The following MYO1F variants were observed in gnomAD, a reference collection of about 807,000 sequenced individuals.
The protein encoded by MYO1F is myosin IF, also known as unconventional myosin-If.
A neutral mutation model predicts 146.6 loss-of-function variants in MYO1F; 60 were observed. The observed-to-expected ratio is 0.41, with a 90% CI of 0.33 to 0.51. The LOEUF (loss-of-function observed/expected upper bound fraction) is 0.51, where lower values mean the gene tolerates loss of function less well. Ranked by LOEUF, MYO1F falls within the 20% of genes least tolerant of loss-of-function variation. MYO1F has a pLI of 0.25. For synonymous variants in MYO1F, 602 were observed against 602.1 expected (o/e 1.00, Z 0.00); for missense variants, 1,274 against 1,534.3 (o/e 0.83, Z 2.83).
chr19:8,534,533 C>A (rs1375932362), intron 19 of MYO1F, among the ~76,000 whole-genome samples: 1 of 152,052 alleles, frequency 6.6e-6, no homozygotes, highest in Admixed American at 6.6e-5. Flanking sequence ...TCTCGAACTC[C>A]TAACCTCAAG....
Position 8,530,713 on chromosome 19 carries a change from G to A in MYO1F, c.2044-140C>T. On this transcript the variant is annotated intron_variant, in intron 19 of 27. Transcript: ENST00000644032. The surrounding 1 kb of genome is among the most constrained non-coding windows in gnomAD (Gnocchi z 5.8). The stretch of plus-strand genomic sequence containing the variant: ...CATGTGCTAATTTTTTTAAGAGGCG[G>A]GGTCTTTCTAGTGACACTCGTTCAT... 2 of 703,854 alleles carry A rather than the reference G, an allele frequency of 2.8e-6. No individual in the cohort carries two copies. The highest frequency in any genetic ancestry group is 3.1e-5 in the South Asian group (2 of 63,872). The allele number at this position is 703,854 out of a possible 1,614,324, so 43.6% of individuals were successfully genotyped here.
At chr19:8,531,698 A>G (rs1241433124) in intron 19 of MYO1F, among the ~76,000 whole-genome samples, 6 of 152,242 alleles carry the variant, frequency 3.9e-5, no homozygotes, top group Admixed American at 2.6e-4. Context: ...TGCTTTTGCA[A>G]GAAACGGTAT....
chr19:8,528,951 C>G (rs1972375777), intron 21 of MYO1F, among the ~76,000 whole-genome samples: 1 of 152,028 alleles, frequency 6.6e-6, no homozygotes, highest in Admixed American at 6.6e-5. Flanking sequence ...TTCTCTGGGT[C>G]TAGTGGGGAT....
chr19:8,539,929 T>C lies in MYO1F; in HGVS notation c.1692+18A>G, dbSNP rs889721828. The C allele has an allele frequency of 1.2e-6, 2 of 1,610,306 alleles. No individual in the cohort carries two copies. Among genetic ancestry groups the C allele is most frequent in the Non-Finnish European group, 1.7e-6 (2 of 1,178,064 alleles). ...GCCCTCTGCAGGCCCAGCTCCCCGT[T>C]GTACACCCCAGGCCCACCTTGATCT... is the stretch of plus-strand genomic sequence containing the variant. On this transcript the variant is annotated intron_variant, in intron 16 of 27. Coordinates refer to ENST00000644032, the MANE Select transcript of MYO1F (RefSeq NM_012335.4).
At position 8,526,926 on chromosome 19, in the gene MYO1F, C is replaced by T. The variant is rs1256972144; in HGVS notation, c.2484G>A (p.Gln828=). The T allele has an allele frequency of 2.5e-6, 4 of 1,613,960 alleles. No homozygotes were observed. Among genetic ancestry groups the T allele is most frequent in the Non-Finnish European group, 3.4e-6 (4 of 1,179,996 alleles). ...ALRGVSLSTR[Q]DDFFILQEDA... ...CCTCTTGGAGGATGAAGAAGTCGTC[C>T]TGTCGCGTGCTGGGGAGGGGCGGGT... is the stretch of plus-strand genomic sequence containing the variant. Residue 828 remains glutamine, a synonymous_variant, in exon 23 of 28, where the codon CAG becomes CAA. Coordinates refer to ENST00000644032, the MANE Select transcript of MYO1F (RefSeq NM_012335.4).
chr19:8,522,297 C>G, intron 27 of MYO1F, 80 bp downstream of exon 27: 1 of 1,581,508 alleles, frequency 6.3e-7, no homozygotes, highest in Non-Finnish European at 8.6e-7. Context: ...GCTGGGATTA[C>G]AGGCGTGAGC....
At chr19:8,524,400 G>C (rs376545261) in intron 25 of MYO1F, among the ~76,000 whole-genome samples, 1 of 142,414 alleles carries the variant, frequency 7.0e-6, no homozygotes, top group African/African-American at 2.7e-5. Context: ...CTGGGCAACA[G>C]GGCTAGACTC....
At chr19:8,547,971 C>G (rs771870221) in intron 12 of MYO1F, 65 bp downstream of exon 12, 1 of 1,496,126 alleles carries the variant, frequency 6.7e-7, no homozygotes, top group Non-Finnish European at 9.3e-7. Context: ...GCTAAGGGAT[C>G]CTCATGGTCC....
At chr19:8,527,819 C>G (rs1187023310) in intron 21 of MYO1F, among the ~76,000 whole-genome samples, 1 of 152,146 alleles carries the variant, frequency 6.6e-6, no homozygotes, top group Non-Finnish European at 1.5e-5. Context: ...TGCCCTGTTG[C>G]CCAGGCTGGT....
At position 8,526,532 on chromosome 19, in the gene MYO1F, G is replaced by A; in HGVS notation, c.2691C>T (p.Gly897=). The change falls in exon 24 of 28, where the codon GGC becomes GGT. Residue 897 remains glycine, a synonymous_variant. Transcript: ENST00000644032. Reference sequence around the variant, plus strand: ...CCTTGAGCACTGCCAAGTCGCCGAAGCCGCGGGAGAAGGTGACGCTGCGGG... The same window carrying A: ...CCTTGAGCACTGCCAAGTCGCCGAAACCGCGGGAGAAGGTGACGCTGCGGG... The part of the protein sequence containing the change: ...GGTRSVTFSR[G]FGDLAVLKVG... 1 of 1,591,002 alleles carries A rather than the reference G, an allele frequency of 6.3e-7. No individual in the cohort carries two copies. The highest frequency in any genetic ancestry group is 8.5e-7 in the Non-Finnish European group (1 of 1,170,842).
chr19:8,548,761 C>T (rs1300118616), intron 10 of MYO1F, among the ~76,000 whole-genome samples: 9 of 151,708 alleles, frequency 5.9e-5, no homozygotes, highest in South Asian at 2.1e-4. Flanking sequence ...CCACCACGCC[C>T]GGCTAATTTT....
rs779568004 is a variant in MYO1F, at chr19:8,521,635, C to T, written c.3221-31G>A. On this transcript the variant is annotated intron_variant, in intron 27 of 27. Coordinates refer to ENST00000644032, the MANE Select transcript of MYO1F (RefSeq NM_012335.4). ...GGAGAGAGGAAAGCTTGAGGTGCCC[C>T]TAGCTGGCCCTGGAGAAAGCTCTCA... 2.5e-6 allele frequency: 4 copies of T among 1,606,996 alleles called. No individual in the cohort carries two copies. In the South Asian group the frequency reaches 4.4e-5, roughly 18 times the overall value.
intron 1 of MYO1F, among the ~76,000 whole-genome samples, chr19:8,575,467 C>T (rs782110445): frequency 4.7e-5 from 7 of 150,198 alleles, no homozygotes; most frequent in Admixed American, 6.6e-5. Flanking sequence ...TCTAATGGCG[C>T]CCCCGAGAAT....
chr19:8,526,725 G>GT (rs1972285814), intron 23 of MYO1F, 64 bp downstream of exon 23: 1 of 1,542,356 alleles, frequency 6.5e-7, no homozygotes, highest in Non-Finnish European at 8.7e-7. Context: ...GGGTCGGTGG[G>GT]GCGGGAGAGG....
At chr19:8,536,019 G>T (rs186062890) in intron 19 of MYO1F, among the ~76,000 whole-genome samples, 1 of 151,876 alleles carries the variant, frequency 6.6e-6, no homozygotes, top group Non-Finnish European at 1.5e-5. Flanking sequence ...GTCTCTCTCA[G>T]TCTCTTACTT....
intron 24 of MYO1F, 86 bp downstream of exon 24, chr19:8,526,367 G>C (rs1599911846): frequency 1.4e-6 from 2 of 1,435,136 alleles, no homozygotes; most frequent in Non-Finnish European, 1.9e-6. Context: ...CTCTCTCTCT[G>C]TAGACACTCC....
intron 1 of MYO1F, among the ~76,000 whole-genome samples, chr19:8,573,977 C>T (rs1308647424): frequency 2.0e-5 from 3 of 152,182 alleles, no homozygotes; most frequent in African/African-American, 7.2e-5. Context: ...TGAACCAGCA[C>T]CACCATTGCT....
intron 24 of MYO1F, among the ~76,000 whole-genome samples, chr19:8,526,066 C>A (rs901054374): frequency 5.9e-5 from 9 of 152,172 alleles, no homozygotes; most frequent in Non-Finnish European, 1.2e-4. Context: ...CAGTGGCTCA[C>A]GCCTGTAATC....
chr19:8,539,163 C>T (rs897427467), intron 16 of MYO1F, among the ~76,000 whole-genome samples: 7 of 152,038 alleles, frequency 4.6e-5, no homozygotes, highest in Non-Finnish European at 1.0e-4. Flanking sequence ...ACCTGTAATC[C>T]CAGCGCTTTG....
Sources: allele counts gnomAD v4.1 joint callset (sites outside exome capture counted in the v4.1 genomes callset), GRCh38; gene constraint gnomAD v4.1.1; non-coding constraint Gnocchi (gnomAD v3.1); transcripts MANE v1.5; gene names NCBI Gene and HGNC (gene_info 2026-07-23, HGNC 2026-07-21).